The following GPM6A variants were observed in gnomAD, a reference collection of about 807,000 sequenced individuals.
The protein encoded by GPM6A is glycoprotein M6A, also known as neuronal membrane glycoprotein M6-a.
GPM6A carries 7 observed loss-of-function variants against 32.1 expected under a neutral mutation model. The ratio of observed to expected loss-of-function variants is 0.22; its 90% confidence interval spans 0.12 to 0.41. The LOEUF (loss-of-function observed/expected upper bound fraction) is 0.41, where lower values mean the gene tolerates loss of function less well. Ranked by LOEUF, GPM6A falls within the 10% of genes least tolerant of loss-of-function variation. The probability of loss-of-function intolerance (pLI) is 1.00; values close to 1 mark genes in which losing one functional copy is unlikely to be tolerated. For synonymous variants in GPM6A, 130 were observed against 123.4 expected (o/e 1.05, Z -0.35); for missense variants, 235 against 347.2 (o/e 0.68, Z 2.57).
chr4:175,840,188 A>C (rs893607489), intron 1 of GPM6A, among the ~76,000 whole-genome samples: 8 of 152,190 alleles, frequency 5.3e-5, no homozygotes, highest in Non-Finnish European at 8.8e-5. Context: ...ACCCATCATA[A>C]TTTTTTCAGG....
intron 1 of GPM6A, among the ~76,000 whole-genome samples, chr4:175,721,041 T>TATGTAC (rs1746095026): frequency 2.3e-5 from 1 of 42,652 alleles, no homozygotes; most frequent in Non-Finnish European, 6.1e-5. Context: ...ACATATATAT[T>TATGTAC]ATATATATAT....
At chr4:175,678,823 T>C (rs903944382) in intron 2 of GPM6A, among the ~76,000 whole-genome samples, 1 of 152,196 alleles carries the variant, frequency 6.6e-6, no homozygotes, top group Non-Finnish European at 1.5e-5. Flanking sequence ...TCTAAACATA[T>C]TTTAATTTTT....
chr4:175,900,778 C>A (rs765543366), intron 1 of GPM6A, among the ~76,000 whole-genome samples: 2 of 152,086 alleles, frequency 1.3e-5, no homozygotes, highest in Non-Finnish European at 2.9e-5. Context: ...TTGGTAGATA[C>A]CCCAAATAAA....
chr4:175,637,645 A>G (rs1579325499), intron 6 of GPM6A, among the ~76,000 whole-genome samples: 1 of 19,932 alleles, frequency 5.0e-5, no homozygotes, highest in East Asian at 0.021. Context: ...ATTATATATT[A>G]TATAAAATAT....
chr4:175,962,092 C>A, intron 1 of GPM6A: 1 of 744,762 alleles, frequency 1.3e-6, no homozygotes. Flanking sequence ...GTCTTTGGCC[C>A]TACAATAGTA....
chr4:175,774,794 G>T lies in GPM6A; in HGVS notation c.37+37397C>A, dbSNP rs1410035414. On this transcript the variant is annotated intron_variant, in intron 1 of 6. Coordinates refer to ENST00000393658, the MANE Select transcript of GPM6A (RefSeq NM_201591.3). ...TGTCTAATGAAGGACATTTTTCCTGGGAAAGCTTAACAAATCACTATAAAA... is the reference window on the plus strand; with the variant it reads ...TGTCTAATGAAGGACATTTTTCCTGTGAAAGCTTAACAAATCACTATAAAA... 3.3e-5 allele frequency among the ~76,000 whole-genome samples: 5 copies of T among 151,916 alleles called. No individual in the cohort carries two copies. The East Asian group carries it at 9.6e-4, about 29-fold the overall frequency.
At position 175,752,391 on chromosome 4, in the gene GPM6A, C is replaced by A. The variant is rs187155349; in HGVS notation, c.38-50624G>T. On this transcript the variant is annotated intron_variant, in intron 1 of 6. Transcript: ENST00000393658. ...GATTTAGGAAGTGTATCTGCAAGGCCGAGCCTTTTTCCGTGCTGTCCTTTC... is the reference window on the plus strand; with the variant it reads ...GATTTAGGAAGTGTATCTGCAAGGCAGAGCCTTTTTCCGTGCTGTCCTTTC... Among the ~76,000 whole-genome samples, 211 of 152,150 alleles carry A rather than the reference C, an allele frequency of 1.4e-3. 3 individuals are homozygous for A. The highest frequency in any genetic ancestry group is 0.014 in the Admixed American group (209 of 15,264).
chr4:175,943,258 T>A (rs969707864), intron 1 of GPM6A, among the ~76,000 whole-genome samples: 1 of 152,212 alleles, frequency 6.6e-6, no homozygotes, highest in Non-Finnish European at 1.5e-5. Context: ...CTGAAGTTGC[T>A]TATCAGCTTA....
At chr4:175,940,886 C>T (rs781307215) in intron 1 of GPM6A, among the ~76,000 whole-genome samples, 7 of 152,190 alleles carry the variant, frequency 4.6e-5, no homozygotes, top group Admixed American at 2.0e-4. Flanking sequence ...GGATTACAGG[C>T]GTGAGCCACT....
intron 1 of GPM6A, among the ~76,000 whole-genome samples, chr4:175,714,240 C>A (rs1745711751): frequency 6.6e-6 from 1 of 152,022 alleles, no homozygotes; most frequent in Admixed American, 6.6e-5. Flanking sequence ...CCAGGATATG[C>A]ATGTTAATAC....
chr4:175,769,980 A>T (rs911939256), intron 1 of GPM6A, among the ~76,000 whole-genome samples: 1 of 152,118 alleles, frequency 6.6e-6, no homozygotes, highest in African/African-American at 2.4e-5. Flanking sequence ...TGCACGTTTG[A>T]CCTATTATAA....
chr4:175,917,086 C>A (rs535594432), intron 1 of GPM6A, among the ~76,000 whole-genome samples: 71 of 152,206 alleles, frequency 4.7e-4, no homozygotes, highest in Middle Eastern at 3.4e-3. Flanking sequence ...TAAGTCCTGG[C>A]AAATATCATC....
intron 1 of GPM6A, among the ~76,000 whole-genome samples, chr4:175,899,434 T>G (rs1271227577): frequency 6.6e-6 from 1 of 151,840 alleles, no homozygotes; most frequent in African/African-American, 2.4e-5. Flanking sequence ...CATTTAAAAA[T>G]AAGACAGTGG....
At chr4:175,673,075 T>A (rs55917798) in intron 3 of GPM6A, among the ~76,000 whole-genome samples, 7,528 of 152,124 alleles carry the variant, frequency 0.049, 210 homozygotes, top group Non-Finnish European at 0.063. Context: ...TCTAGAAAAA[T>A]TATTCTGTAT....
intron 1 of GPM6A, among the ~76,000 whole-genome samples, chr4:175,741,010 G>A (rs771020179): frequency 9.2e-5 from 14 of 151,984 alleles, no homozygotes; most frequent in Non-Finnish European, 2.1e-4. Context: ...TCATGATTTT[G>A]AAAATTACAG....
chr4:175,818,391 C>A (rs561577175), intron 1 of GPM6A, among the ~76,000 whole-genome samples: 2 of 152,342 alleles, frequency 1.3e-5, no homozygotes, highest in Non-Finnish European at 2.9e-5. Context: ...ATATCACATG[C>A]CATTACAGAG....
At chr4:175,663,794 C>A (rs1487282339) in intron 3 of GPM6A, among the ~76,000 whole-genome samples, 1 of 150,914 alleles carries the variant, frequency 6.6e-6, no homozygotes, top group Non-Finnish European at 1.5e-5. Context: ...CCTGGGTTCA[C>A]GCCATTCTCC....
intron 1 of GPM6A, among the ~76,000 whole-genome samples, chr4:175,893,507 C>T (rs1045995855): frequency 6.6e-6 from 1 of 152,056 alleles, no homozygotes; most frequent in Non-Finnish European, 1.5e-5. Flanking sequence ...TCTGATCAGC[C>T]TCCCTCCTGG....
At chr4:175,981,936 T>C (rs1266165255) in intron 1 of GPM6A, among the ~76,000 whole-genome samples, 1 of 151,938 alleles carries the variant, frequency 6.6e-6, no homozygotes, top group Non-Finnish European at 1.5e-5. Flanking sequence ...TCTGTTTTCC[T>C]TTTTTAAAAA....
Sources: allele counts gnomAD v4.1 joint callset (sites outside exome capture counted in the v4.1 genomes callset), GRCh38; gene constraint gnomAD v4.1.1; transcripts MANE v1.5; gene names NCBI Gene and HGNC (gene_info 2026-07-23, HGNC 2026-07-21).